The following WWOX variants were observed in gnomAD, a reference collection of about 807,000 sequenced individuals.
WWOX encodes WW domain containing oxidoreductase, also known as WW domain-containing oxidoreductase.
In WWOX, 69 loss-of-function variants were observed where a neutral mutation model predicts 46.2. The observed-to-expected ratio is 1.49, with a 90% CI of 1.23 to 1.82. The LOEUF is 1.82. Ranked by LOEUF, WWOX falls within the 40% of genes most tolerant of loss-of-function variation. The probability of loss-of-function intolerance (pLI) is 0.00; values close to 1 mark genes in which losing one functional copy is unlikely to be tolerated. For missense variants in WWOX, 919 were observed against 542.6 expected, an observed-to-expected ratio of 1.69 and a Z score of -6.89; for synonymous variants, 359 against 202.6, an observed-to-expected ratio of 1.77 and a Z score of -6.56.
intron 5 of WWOX, among the ~76,000 whole-genome samples, chr16:78,286,368 G>A (rs28576943): frequency 0.13 from 19,587 of 152,190 alleles, 1,473 homozygotes; most frequent in Admixed American, 0.19. Context: ...CCCCAGATGA[G>A]GTGGGGGTTG....
At chr16:78,265,702 A>G (rs949648821) in intron 5 of WWOX, among the ~76,000 whole-genome samples, 23 of 150,806 alleles carry the variant, frequency 1.5e-4, no homozygotes, top group African/African-American at 4.9e-4. Context: ...AACAACAAAA[A>G]ACACGAATAT....
chr16:78,345,281 T>C lies in WWOX; in HGVS notation c.517-41579T>C, dbSNP rs1042894805. Among the ~76,000 whole-genome samples the C allele has an allele frequency of 3.7e-4, 42 of 113,172 alleles. 8 individuals carry two copies. Among genetic ancestry groups the C allele is most frequent in the African/African-American group, 1.2e-3 (39 of 33,490 alleles). 74.2% of individuals were successfully genotyped at this position (113,172 alleles called of 152,430 possible). ...CTATAAAAGGGAGACTTCAATCTTA[T>C]TTAATGGCAAAAGTCACAATTACTT... On this transcript the variant is annotated intron_variant, in intron 5 of 8. Coordinates refer to ENST00000566780, the MANE Select transcript of WWOX (RefSeq NM_016373.4).
At chr16:78,241,988 C>T (rs1034875289) in intron 5 of WWOX, among the ~76,000 whole-genome samples, 8 of 152,194 alleles carry the variant, frequency 5.3e-5, no homozygotes, top group Non-Finnish European at 8.8e-5. Flanking sequence ...CATAGCTACA[C>T]TAGATTTGAG....
At chr16:78,683,942 A>G (rs1371803627) in intron 8 of WWOX, among the ~76,000 whole-genome samples, 2 of 152,174 alleles carry the variant, frequency 1.3e-5, no homozygotes, top group Admixed American at 1.3e-4. Flanking sequence ...TGAGGAAAGG[A>G]GGCAGTTTTG....
At chr16:79,102,890 G>T (rs1248135996) in intron 8 of WWOX, among the ~76,000 whole-genome samples, 1 of 151,228 alleles carries the variant, frequency 6.6e-6, no homozygotes, top group Non-Finnish European at 1.5e-5. Context: ...ACTTGGGCAC[G>T]CACATGCAAC....
chr16:78,346,083 G>C (rs1259910287), intron 5 of WWOX, among the ~76,000 whole-genome samples: 2 of 120,992 alleles, frequency 1.7e-5, no homozygotes, highest in African/African-American at 5.6e-5. Context: ...TGTCACTATT[G>C]ATGAATTTGC....
rs527680457 is a variant in WWOX, at chr16:79,187,556, CG to C, written c.1057-24051del. ...GCTGGGACTACAGGCCCCTCCACAC[CG>C]CACACCGCCACCACGCCCAGCTGAT... On this transcript the variant is annotated intron_variant, in intron 8 of 8. Coordinates refer to ENST00000566780, the MANE Select transcript of WWOX (RefSeq NM_016373.4). 5.8e-4 allele frequency among the ~76,000 whole-genome samples: 88 copies of C among 152,196 alleles called. 2 individuals are homozygous for C. In the South Asian group the frequency reaches 0.018, roughly 31 times the overall value.
intron 5 of WWOX, among the ~76,000 whole-genome samples, chr16:78,198,351 C>A (rs894610233): frequency 6.6e-6 from 1 of 152,168 alleles, no homozygotes; most frequent in Non-Finnish European, 1.5e-5. Context: ...GCATCCGATA[C>A]ACATGCAAGG....
chr16:79,179,381 G>A (rs2050864813), intron 8 of WWOX, among the ~76,000 whole-genome samples: 2 of 152,130 alleles, frequency 1.3e-5, no homozygotes, highest in African/African-American at 2.4e-5. Context: ...GACTTCTTGG[G>A]TACACTTTCC....
At chr16:78,950,539 C>CAT (rs1289215295) in intron 8 of WWOX, among the ~76,000 whole-genome samples, 1 of 130,876 alleles carries the variant, frequency 7.6e-6, no homozygotes, top group East Asian at 2.0e-4. Flanking sequence ...CACATACACA[C>CAT]ACACACACAC....
intron 8 of WWOX, among the ~76,000 whole-genome samples, chr16:78,610,398 A>T (rs960411801): frequency 6.6e-6 from 1 of 152,176 alleles, no homozygotes; most frequent in Non-Finnish European, 1.5e-5. Flanking sequence ...GGAGATAACT[A>T]TTTCTTCTTC....
chr16:78,686,561 A>T (rs1450279234), intron 8 of WWOX, among the ~76,000 whole-genome samples: 2 of 151,820 alleles, frequency 1.3e-5, no homozygotes, highest in South Asian at 2.1e-4. Context: ...TTTTCACCCC[A>T]GAAATCCTGA....
At chr16:78,606,811 C>T (rs1315644681) in intron 8 of WWOX, among the ~76,000 whole-genome samples, 2 of 150,202 alleles carry the variant, frequency 1.3e-5, no homozygotes, top group Non-Finnish European at 3.0e-5. Context: ...ATCAATAGCC[C>T]ACTTGTTGAG....
At chr16:78,512,787 T>G (rs951557988) in intron 8 of WWOX, among the ~76,000 whole-genome samples, 7 of 152,262 alleles carry the variant, frequency 4.6e-5, no homozygotes, top group African/African-American at 1.7e-4. Flanking sequence ...TGAAGGTTAC[T>G]GTTGCATTGC....
chr16:78,772,225 G>C (rs62038568), intron 8 of WWOX, among the ~76,000 whole-genome samples: 2,040 of 152,264 alleles, frequency 0.013, 44 homozygotes, highest in Admixed American at 0.034. Flanking sequence ...CCCAGTGTCT[G>C]TTGTTCTTTC....
chr16:79,210,270 C>T (rs1261088726), intron 8 of WWOX, among the ~76,000 whole-genome samples: 2 of 152,216 alleles, frequency 1.3e-5, no homozygotes, highest in African/African-American at 2.4e-5. Context: ...CCAAGTCTGC[C>T]TTATGGCAGA....
chr16:78,362,359 C>T (rs2081428437), intron 5 of WWOX, among the ~76,000 whole-genome samples: 2 of 152,244 alleles, frequency 1.3e-5, no homozygotes, highest in East Asian at 1.9e-4. Context: ...CCTGTAATCC[C>T]AGCACTTTGG....
chr16:79,209,783 G>C (rs140357431), intron 8 of WWOX, among the ~76,000 whole-genome samples: 1,770 of 152,254 alleles, frequency 0.012, 13 homozygotes, highest in Non-Finnish European at 0.018. Context: ...TCCCCACATG[G>C]GATGCAGAAG....
intron 8 of WWOX, among the ~76,000 whole-genome samples, chr16:78,957,652 A>G (rs1238591822): frequency 1.3e-5 from 2 of 152,164 alleles, no homozygotes; most frequent in Non-Finnish European, 2.9e-5. Context: ...TACAGATTCT[A>G]TCTCTAAAAA....
Sources: gnomAD v4.1 joint callset for allele counts (sites outside exome capture counted in the v4.1 genomes callset) on GRCh38, gnomAD v4.1.1 for gene constraint, MANE v1.5 for transcripts, NCBI Gene and HGNC (gene_info 2026-07-23, HGNC 2026-07-21) for gene names.